The following THSD4 variants were observed in gnomAD, a reference collection of about 807,000 sequenced individuals.
The protein encoded by THSD4 is thrombospondin type-1 domain-containing protein 4.
In THSD4, 69 loss-of-function variants were observed where a neutral mutation model predicts 119.0. The observed-to-expected ratio is 0.58, with a 90% CI of 0.48 to 0.71. The LOEUF (loss-of-function observed/expected upper bound fraction) is 0.71, where lower values mean the gene tolerates loss of function less well. Among genes scored for constraint, THSD4 ranks in the 30% least tolerant of loss-of-function variants. THSD4 has a pLI of 0.00. For missense variants in THSD4, 1,393 were observed against 1,391.1 expected (o/e 1.00, Z -0.02); for synonymous variants, 524 against 540.4 (o/e 0.97, Z 0.42).
intron 6 of THSD4, among the ~76,000 whole-genome samples, chr15:71,375,823 C>T (rs1357583850): frequency 6.6e-6 from 1 of 152,136 alleles, no homozygotes; most frequent in Non-Finnish European, 1.5e-5. Flanking sequence ...CCATTGCATT[C>T]CACACCTACT....
intron 9 of THSD4, chr15:71,730,696 T>C (rs928076684): frequency 1.3e-5 from 2 of 156,666 alleles, no homozygotes; most frequent in African/African-American, 4.8e-5. Flanking sequence ...CCGGGGTGGC[T>C]CTGTCCAGGA....
At position 71,779,657 on chromosome 15, in the gene THSD4, C is replaced by G. The variant is rs986757880; in HGVS notation, c.*2283C>G. 1 of 152,236 alleles carries G rather than the reference C, an allele frequency of 6.6e-6. No individual in the cohort carries two copies. The highest frequency in any genetic ancestry group is 2.4e-5 in the African/African-American group (1 of 41,438). 9.4% of individuals were successfully genotyped at this position (152,236 alleles called of 1,614,324 possible). The stretch of plus-strand genomic sequence containing the variant: ...CAACTCAGGAATTCTCGTGGCTGGG[C>G]TGGGTCAGTGATGGCTTTGTCTCTT... On this transcript the variant is annotated 3_prime_UTR_variant, in exon 18 of 18. Coordinates refer to ENST00000261862, the MANE Select transcript of THSD4 (RefSeq NM_024817.3).
At chr15:71,554,273 T>G (rs1215249690) in intron 7 of THSD4, among the ~76,000 whole-genome samples, 1 of 151,370 alleles carries the variant, frequency 6.6e-6, no homozygotes, top group African/African-American at 2.4e-5. Context: ...TTTTTGTATT[T>G]TTTTAGTAGA....
chr15:71,607,678 C>T (rs907711183), intron 7 of THSD4, among the ~76,000 whole-genome samples: 1 of 152,176 alleles, frequency 6.6e-6, no homozygotes, highest in Admixed American at 6.5e-5. Context: ...CTTAATGAGG[C>T]GTGGGTATGG....
intron 8 of THSD4, among the ~76,000 whole-genome samples, chr15:71,706,119 C>A (rs750679721): frequency 3.3e-5 from 5 of 152,168 alleles, no homozygotes; most frequent in Non-Finnish European, 7.3e-5. Flanking sequence ...GAGCTTTTTT[C>A]TATTCAGCAC....
chr15:71,537,362 A>G (rs2048700778), intron 7 of THSD4, among the ~76,000 whole-genome samples: 1 of 152,148 alleles, frequency 6.6e-6, no homozygotes, highest in Non-Finnish European at 1.5e-5. Flanking sequence ...ATTAAGAGAA[A>G]GAAAAAATCT....
intron 7 of THSD4, among the ~76,000 whole-genome samples, chr15:71,595,934 A>T (rs1316953516): frequency 6.6e-6 from 1 of 152,216 alleles, no homozygotes; most frequent in Non-Finnish European, 1.5e-5. Flanking sequence ...TTTGACTGAG[A>T]GACATAGCAC....
chr15:71,415,302 A>G (rs1238841286), intron 7 of THSD4, among the ~76,000 whole-genome samples: 1 of 152,246 alleles, frequency 6.6e-6, no homozygotes, highest in Non-Finnish European at 1.5e-5. Context: ...AGGCCCACCC[A>G]TTGCTGGCTT....
chr15:71,496,583 G>A (rs1245702228), intron 7 of THSD4, among the ~76,000 whole-genome samples: 1 of 152,128 alleles, frequency 6.6e-6, no homozygotes. Flanking sequence ...AAGGCAAAAA[G>A]TACGTTACTC....
chr15:71,194,986 G>C (rs2043707319), intron 3 of THSD4, among the ~76,000 whole-genome samples: 2 of 152,060 alleles, frequency 1.3e-5, no homozygotes, highest in Non-Finnish European at 2.9e-5. Context: ...ACGGGGCTGG[G>C]ACCATGTCTG....
intron 4 of THSD4, among the ~76,000 whole-genome samples, chr15:71,242,421 T>C (rs555922048): frequency 9.6e-4 from 146 of 152,304 alleles, no homozygotes; most frequent in South Asian, 1.7e-3. Context: ...CTGTTCATCC[T>C]CTGTTGATTC....
Position 71,236,067 on chromosome 15 carries a change from G to T in THSD4, c.465-6582G>T, listed in dbSNP as rs141710795. Among the ~76,000 whole-genome samples the T allele has an allele frequency of 6.6e-5, 10 of 152,318 alleles. No individual in the cohort carries two copies. The East Asian group carries it at 1.9e-3, about 29-fold the overall frequency. On this transcript the variant is annotated intron_variant, in intron 4 of 17. Transcript: ENST00000261862. ...CTGGTTCCTCGAGGGCAGTCCCCGG[G>T]GCTGCTGCTCTGTGGGATGCTGTGG...
chr15:71,665,403 T>G (rs546804760), intron 8 of THSD4, among the ~76,000 whole-genome samples: 6 of 152,290 alleles, frequency 3.9e-5, no homozygotes, highest in South Asian at 4.1e-4. Flanking sequence ...ATGAGACCTT[T>G]GTCTGATGTA....
At chr15:71,140,393 A>C (rs983221670) in intron 1 of THSD4, among the ~76,000 whole-genome samples, 18 of 152,178 alleles carry the variant, frequency 1.2e-4, no homozygotes, top group African/African-American at 4.3e-4. Context: ...TCTTTTTAAC[A>C]ATCAGATCTC....
chr15:71,751,831 G>A (rs2053453858), intron 14 of THSD4, among the ~76,000 whole-genome samples: 1 of 151,994 alleles, frequency 6.6e-6, no homozygotes, highest in Non-Finnish European at 1.5e-5. Flanking sequence ...CCATACACGG[G>A]TGATGTTTTA....
intron 6 of THSD4, among the ~76,000 whole-genome samples, chr15:71,402,666 T>C (rs767022595): frequency 2.0e-5 from 3 of 152,062 alleles, no homozygotes; most frequent in Non-Finnish European, 4.4e-5. Context: ...GATGGAGCTG[T>C]CCCTGGAGAG....
chr15:71,239,987 C>T (rs1334094921), intron 4 of THSD4, among the ~76,000 whole-genome samples: 3 of 152,222 alleles, frequency 2.0e-5, no homozygotes, highest in Non-Finnish European at 4.4e-5. Flanking sequence ...AGCTCATGCT[C>T]TTTGGTCTTT....
rs563243507 is a variant in THSD4, at chr15:71,588,254, C to T, written c.1153-72276C>T. On this transcript the variant is annotated intron_variant, in intron 7 of 17. Coordinates refer to ENST00000261862, the MANE Select transcript of THSD4 (RefSeq NM_024817.3). ...CCGGGAGGCGGAGCTTGCAGTGAGC[C>T]GAGATCGCGCCACTGCACTCCAGCC... is the stretch of plus-strand genomic sequence containing the variant. Among the ~76,000 whole-genome samples the T allele has an allele frequency of 1.7e-4, 25 of 148,184 alleles. No individual in the cohort carries two copies. The South Asian group carries it at 3.9e-3, about 23-fold the overall frequency.
chr15:71,569,214 A>G (rs540034252), intron 7 of THSD4, among the ~76,000 whole-genome samples: 1 of 152,264 alleles, frequency 6.6e-6, no homozygotes, highest in South Asian at 2.1e-4. Context: ...CATGGATGTG[A>G]GTGCTGACCC....
Sources: gnomAD v4.1 joint callset for allele counts (sites outside exome capture counted in the v4.1 genomes callset) on GRCh38, gnomAD v4.1.1 for gene constraint, MANE v1.5 for transcripts, NCBI Gene and HGNC (gene_info 2026-07-23, HGNC 2026-07-21) for gene names.